Variants in KCNIP4 observed in about 807,000 individuals in gnomAD.
KCNIP4 encodes the protein Kv channel-interacting protein 4.
A neutral mutation model predicts 34.0 loss-of-function variants in KCNIP4; 12 were observed. The ratio of observed to expected loss-of-function variants is 0.35; its 90% CI spans 0.23 to 0.57. The LOEUF (loss-of-function observed/expected upper bound fraction) is 0.57, where lower values mean the gene tolerates loss of function less well. Among genes scored for constraint, KCNIP4 ranks in the 20% least tolerant of loss-of-function variants. The pLI is 0.83. For synonymous variants in KCNIP4, 124 were observed against 102.2 expected (o/e 1.21, Z -1.29); for missense variants, 238 against 311.7 (o/e 0.76, Z 1.78).
At chr4:21,893,212 A>C (rs2109405553) in intron 1 of KCNIP4, among the ~76,000 whole-genome samples, 1 of 152,268 alleles carries the variant, frequency 6.6e-6, no homozygotes, top group South Asian at 2.1e-4. Context: ...TCACAAATAA[A>C]TTATAAGGGC....
At chr4:20,840,485 A>G (rs949255234) in intron 3 of KCNIP4, among the ~76,000 whole-genome samples, 1 of 152,180 alleles carries the variant, frequency 6.6e-6, no homozygotes, top group African/African-American at 2.4e-5. Context: ...AAGTTGGACC[A>G]TATGACTGAG....
chr4:21,639,491 T>C (rs1038541389), intron 1 of KCNIP4, among the ~76,000 whole-genome samples: 3 of 152,194 alleles, frequency 2.0e-5, no homozygotes, highest in Non-Finnish European at 4.4e-5. Context: ...GTCTTTTATA[T>C]TGTATCACAA....
intron 1 of KCNIP4, among the ~76,000 whole-genome samples, chr4:21,081,909 A>T (rs999516927): frequency 1.3e-5 from 2 of 151,808 alleles, no homozygotes; most frequent in African/African-American, 4.9e-5. Flanking sequence ...AAATGGAGGA[A>T]ATATGTTTTC....
rs190728691 is a variant in KCNIP4 at position 21,786,712 on chromosome 4, C to T, written c.61+161859G>A. Reference sequence around the variant, plus strand: ...CCTCCCGAGTAGCTGGGACTACAGGCACCCGCCACCATGCCCGGCTAATTT... The same window carrying T: ...CCTCCCGAGTAGCTGGGACTACAGGTACCCGCCACCATGCCCGGCTAATTT... On this transcript the variant is annotated intron_variant, in intron 1 of 8. Transcript: ENST00000382152. Among the ~76,000 whole-genome samples the T allele has an allele frequency of 2.6e-3, 390 of 151,714 alleles. 1 individual carries two copies. Among genetic ancestry groups the T allele is most frequent in the African/African-American group, 8.0e-3 (329 of 41,344 alleles).
At chr4:21,840,453 C>T (rs1188128227) in intron 1 of KCNIP4, among the ~76,000 whole-genome samples, 1 of 152,002 alleles carries the variant, frequency 6.6e-6, no homozygotes, top group Non-Finnish European at 1.5e-5. Context: ...GAGGAAGAGG[C>T]AATGTTGAAA....
At chr4:21,344,407 G>A (rs998874029) in intron 1 of KCNIP4, among the ~76,000 whole-genome samples, 1 of 152,140 alleles carries the variant, frequency 6.6e-6, no homozygotes, top group Non-Finnish European at 1.5e-5. Context: ...AGATCCATAA[G>A]CACATTATTT....
intron 1 of KCNIP4, among the ~76,000 whole-genome samples, chr4:21,626,538 A>G (rs1213334575): frequency 6.6e-6 from 1 of 151,878 alleles, no homozygotes; most frequent in Non-Finnish European, 1.5e-5. Flanking sequence ...TAGAACCAAA[A>G]ATAAATTTCT....
At chr4:21,093,059 A>G (rs757573330) in intron 1 of KCNIP4, among the ~76,000 whole-genome samples, 2 of 152,236 alleles carry the variant, frequency 1.3e-5, no homozygotes, top group Non-Finnish European at 2.9e-5. Flanking sequence ...GACTATATGT[A>G]CATTCTCAAA....
At chr4:21,168,745 AAT>A (rs1753807572) in intron 1 of KCNIP4, among the ~76,000 whole-genome samples, 1 of 152,170 alleles carries the variant, frequency 6.6e-6, no homozygotes, top group Non-Finnish European at 1.5e-5. Flanking sequence ...TCTGGAAAAA[AAT>A]AAAGTGGGGT....
chr4:20,742,990 A>C (rs1445757916), intron 5 of KCNIP4, among the ~76,000 whole-genome samples: 1 of 145,628 alleles, frequency 6.9e-6, no homozygotes, highest in Non-Finnish European at 1.5e-5. Flanking sequence ...TAAAATACCT[A>C]GGAATCCAAC....
chr4:21,122,216 A>G (rs2109138332), intron 1 of KCNIP4, among the ~76,000 whole-genome samples: 1 of 145,888 alleles, frequency 6.9e-6, no homozygotes, highest in East Asian at 2.0e-4. Context: ...GAAAATCAAT[A>G]TTTTCCCCCA....
intron 1 of KCNIP4, among the ~76,000 whole-genome samples, chr4:21,199,130 T>C (rs1222950374): frequency 6.6e-6 from 1 of 152,182 alleles, no homozygotes; most frequent in Non-Finnish European, 1.5e-5. Flanking sequence ...AAGTTCGAGA[T>C]CCTTGAGGAA....
intron 1 of KCNIP4, among the ~76,000 whole-genome samples, chr4:21,735,515 C>T (rs1021612614): frequency 6.6e-6 from 1 of 152,148 alleles, no homozygotes. Context: ...CTGTTACCAA[C>T]TCCGTGTTCA....
intron 3 of KCNIP4, among the ~76,000 whole-genome samples, chr4:20,833,905 A>G (rs1470090682): frequency 6.6e-6 from 1 of 152,280 alleles, no homozygotes; most frequent in East Asian, 1.9e-4. Flanking sequence ...AAATGTTTAT[A>G]TATTTTTGTT....
chr4:21,365,759 T>C (rs1413982620), intron 1 of KCNIP4, among the ~76,000 whole-genome samples: 1 of 152,102 alleles, frequency 6.6e-6, no homozygotes, highest in Non-Finnish European at 1.5e-5. Context: ...ATATACAGAT[T>C]AGCAATAATT....
chr4:21,845,419 T>G (rs949368861), intron 1 of KCNIP4: 2 of 152,100 alleles, frequency 1.3e-5, no homozygotes, highest in African/African-American at 4.8e-5. Flanking sequence ...TTTATAAACA[T>G]AAAAATCGTT....
intron 1 of KCNIP4, among the ~76,000 whole-genome samples, chr4:21,936,408 G>A (rs1199637508): frequency 6.6e-6 from 1 of 152,078 alleles, no homozygotes; most frequent in Non-Finnish European, 1.5e-5. Context: ...GGTCTGCCCA[G>A]CCATGTAGAA....
chr4:21,562,573 A>T (rs1441400287), intron 1 of KCNIP4, among the ~76,000 whole-genome samples: 2 of 152,074 alleles, frequency 1.3e-5, no homozygotes, highest in Non-Finnish European at 2.9e-5. Context: ...GATGACTTTT[A>T]TTATCAGAAC....
At chr4:21,471,518 A>G (rs1026308870) in intron 1 of KCNIP4, among the ~76,000 whole-genome samples, 19 of 152,220 alleles carry the variant, frequency 1.2e-4, no homozygotes, top group Admixed American at 3.3e-4. Context: ...TTTTATCATG[A>G]TTATATAAAT....
Sources: allele counts gnomAD v4.1 joint callset (sites outside exome capture counted in the v4.1 genomes callset), GRCh38; gene constraint gnomAD v4.1.1; transcripts MANE v1.5; gene names NCBI Gene and HGNC (gene_info 2026-07-23, HGNC 2026-07-21).